CDH4: variants seen among roughly 807,000 people sequenced by gnomAD.
The protein encoded by CDH4 is cadherin-4.
In CDH4, 33 loss-of-function variants were observed where a neutral mutation model predicts 86.0. The observed-to-expected ratio is 0.38, with a 90% CI of 0.29 to 0.51. CDH4 has a LOEUF of 0.51. Among genes scored for constraint, CDH4 ranks in the 20% least tolerant of loss-of-function variants. The probability of loss-of-function intolerance (pLI) is 0.86; values close to 1 mark genes in which losing one functional copy is unlikely to be tolerated. For synonymous variants in CDH4, 555 were observed against 549.4 expected, an observed-to-expected ratio of 1.01 and a Z score of -0.14; for missense variants, 1,114 against 1,307.4, an observed-to-expected ratio of 0.85 and a Z score of 2.28.
chr20:61,846,875 C>T (rs73917539), intron 5 of CDH4, among the ~76,000 whole-genome samples: 5,087 of 152,234 alleles, frequency 0.033, 136 homozygotes, highest in African/African-American at 0.074. Context: ...ACCAGGAGAG[C>T]TGGGTCAGCC....
At chr20:61,837,538 A>AT (rs965954529) in intron 4 of CDH4, among the ~76,000 whole-genome samples, 25 of 152,098 alleles carry the variant, frequency 1.6e-4, no homozygotes, top group African/African-American at 5.5e-4. Flanking sequence ...ACGCTCTGAG[A>AT]TTTTTTTCAA....
chr20:61,899,863 G>A lies in CDH4; in HGVS notation c.1188+4816G>A, dbSNP rs557257264. On this transcript the variant is annotated intron_variant, in intron 8 of 15. Transcript: ENST00000614565. ...CCAGTGCCTGGTTATCACAGTTGAT[G>A]TGGAAATACAGATTTTTCTCTCAAA... Among the ~76,000 whole-genome samples, 6 of 152,354 alleles carry A rather than the reference G, an allele frequency of 3.9e-5. No homozygotes were observed. The South Asian group carries it at 1.2e-3, about 32-fold the overall frequency.
At chr20:61,852,695 C>T (rs1982781539) in intron 5 of CDH4, 59 bp from the exon 6 acceptor site, 13 of 1,570,486 alleles carry the variant, frequency 8.3e-6, no homozygotes, top group Non-Finnish European at 1.1e-5. Flanking sequence ...TCCCAGGCCG[C>T]TCTCAGCTGA....
At chr20:61,371,291 C>T (rs1051035808) in intron 2 of CDH4, among the ~76,000 whole-genome samples, 39 of 152,176 alleles carry the variant, frequency 2.6e-4, no homozygotes, top group African/African-American at 8.0e-4. Flanking sequence ...GCCATTTGCC[C>T]TCTTGCAGCG....
chr20:61,368,080 A>G (rs2123330250), intron 2 of CDH4, among the ~76,000 whole-genome samples: 1 of 152,274 alleles, frequency 6.6e-6, no homozygotes, highest in African/African-American at 2.4e-5. Context: ...CATGTTGGTC[A>G]GGCTGGTCTC....
chr20:61,767,209 T>C (rs1226946104), intron 3 of CDH4, among the ~76,000 whole-genome samples: 1 of 152,218 alleles, frequency 6.6e-6, no homozygotes, highest in Non-Finnish European at 1.5e-5. Context: ...GGAGACAGGC[T>C]GAGGGCCATT....
At chr20:61,770,352 T>C (rs1426300587) in intron 3 of CDH4, among the ~76,000 whole-genome samples, 2 of 152,210 alleles carry the variant, frequency 1.3e-5, no homozygotes, top group East Asian at 3.9e-4. Context: ...AGCTTTGTCC[T>C]CCCTGCCTTG....
rs761819844 is a variant in CDH4 at position 61,518,891 on chromosome 20, C to T, written c.170-224672C>T. On this transcript the variant is annotated intron_variant, in intron 2 of 15. Coordinates refer to ENST00000614565, the MANE Select transcript of CDH4 (RefSeq NM_001794.5). The surrounding 1 kb of genome is among the most constrained non-coding windows in gnomAD (Gnocchi z 6.3). ...ATCATTCATTCATCAATCCACCCAT[C>T]ATCCATTCATCCATCATTCATTCAT... 2.6e-5 allele frequency among the ~76,000 whole-genome samples: 4 copies of T among 152,118 alleles called. No homozygotes were observed. The highest frequency in any genetic ancestry group is 9.7e-5 in the African/African-American group (4 of 41,418).
chr20:61,682,343 GAGAT>G (rs910028660), intron 2 of CDH4, among the ~76,000 whole-genome samples: 5 of 149,062 alleles, frequency 3.4e-5, no homozygotes, highest in African/African-American at 1.3e-4. Flanking sequence ...GAGGAAGGGA[GAGAT>G]AGATGAATGG....
At chr20:61,295,667 G>A (rs1025939234) in intron 2 of CDH4, among the ~76,000 whole-genome samples, 5 of 152,242 alleles carry the variant, frequency 3.3e-5, no homozygotes, top group African/African-American at 1.2e-4. Flanking sequence ...GTGGCCAGAA[G>A]CCTGGTCAGC....
chr20:61,649,024 A>C (rs1459743923), intron 2 of CDH4, among the ~76,000 whole-genome samples: 1 of 152,140 alleles, frequency 6.6e-6, no homozygotes, highest in African/African-American at 2.4e-5. Context: ...AAGATTCTCA[A>C]TTATGTTTTA....
chr20:61,461,198 A>T (rs1028906), intron 2 of CDH4, among the ~76,000 whole-genome samples: 57,571 of 148,834 alleles, frequency 0.39, 11,787 homozygotes, highest in Admixed American at 0.49. Context: ...ATTTTTTTTT[A>T]AAAAAAATGC....
At chr20:61,649,659 G>T (rs779926496) in intron 2 of CDH4, among the ~76,000 whole-genome samples, 1 of 152,210 alleles carries the variant, frequency 6.6e-6, no homozygotes, top group Non-Finnish European at 1.5e-5. Context: ...CTGAACGGGG[G>T]CTCGGTATCC....
intron 2 of CDH4, among the ~76,000 whole-genome samples, chr20:61,423,539 T>G (rs2085191885): frequency 6.6e-6 from 1 of 152,234 alleles, no homozygotes; most frequent in Admixed American, 6.5e-5. Flanking sequence ...GGTTGAATAT[T>G]GCAAACGCAC....
rs1158833798 is a variant in CDH4 at position 61,480,238 on chromosome 20, G to C, written c.169+225301G>C. Reference sequence around the variant, plus strand: ...CTCTTCCACCCCAGGAGGACCCCAGGCTCCCCCTCTCGTGGTAGCCTGGAA... The same window carrying C: ...CTCTTCCACCCCAGGAGGACCCCAGCCTCCCCCTCTCGTGGTAGCCTGGAA... On this transcript the variant is annotated intron_variant, in intron 2 of 15. Transcript: ENST00000614565. The surrounding 1 kb of genome is among the most constrained non-coding windows in gnomAD (Gnocchi z 5.2). Among the ~76,000 whole-genome samples, 1 of 151,970 alleles carries C rather than the reference G, an allele frequency of 6.6e-6. No individual in the cohort carries two copies. The highest frequency in any genetic ancestry group is 1.5e-5 in the Non-Finnish European group (1 of 67,980).
chr20:61,444,311 T>TC (rs2085331811), intron 2 of CDH4, among the ~76,000 whole-genome samples: 36 of 42,700 alleles, frequency 8.4e-4, no homozygotes, highest in Non-Finnish European at 7.9e-4. Context: ...GTGTATGTAT[T>TC]TTTGTGTATC....
Position 61,252,939 on chromosome 20 carries a change from G to A in CDH4, c.57+369G>A, listed in dbSNP as rs1228263108. On this transcript the variant is annotated intron_variant, in intron 1 of 15. Transcript: ENST00000614565. The surrounding 1 kb of genome is among the most constrained non-coding windows in gnomAD (Gnocchi z 4.4). ...TGGCGGAGCCGGCGCGCCCTCCATC[G>A]CCCGGGAGCCGCGCGCCGCGGGAGT... Among the ~76,000 whole-genome samples, 1 of 151,826 alleles carries A rather than the reference G, an allele frequency of 6.6e-6. No individual in the cohort carries two copies. The highest frequency in any genetic ancestry group is 1.5e-5 in the Non-Finnish European group (1 of 67,914).
At chr20:61,405,849 T>C (rs2085078772) in intron 2 of CDH4, among the ~76,000 whole-genome samples, 1 of 152,002 alleles carries the variant, frequency 6.6e-6, no homozygotes, top group South Asian at 2.1e-4. Context: ...CCCAGCTAAT[T>C]TTTTGTATTT....
At position 61,839,963 on chromosome 20, in the gene CDH4, G is replaced by GTA. The variant is rs1490951435; in HGVS notation, c.577-4704_577-4703insAT. ...GTGCATTTGTGTGCATGGTGTGTGT[G>GTA]TGTGTCCAGAGCTGTGTGAGGCAGT... On this transcript the variant is annotated intron_variant, in intron 4 of 15. Transcript: ENST00000614565. 2.0e-5 allele frequency among the ~76,000 whole-genome samples: 3 copies of GTA among 152,022 alleles called. No individual in the cohort carries two copies. The East Asian group carries it at 5.8e-4, about 29-fold the overall frequency.
Sources: allele counts gnomAD v4.1 joint callset (sites outside exome capture counted in the v4.1 genomes callset), GRCh38; gene constraint gnomAD v4.1.1; non-coding constraint Gnocchi (gnomAD v3.1); transcripts MANE v1.5; gene names NCBI Gene and HGNC (gene_info 2026-07-23, HGNC 2026-07-21).